Variants in CRTC3 observed in about 807,000 individuals in gnomAD.
CRTC3 encodes the protein CREB-regulated transcription coactivator 3.
CRTC3 carries 26 observed loss-of-function variants against 74.5 expected under a neutral mutation model. The ratio of observed to expected loss-of-function variants is 0.35; its 90% CI spans 0.26 to 0.48. The LOEUF (loss-of-function observed/expected upper bound fraction) is 0.48. Among genes scored for constraint, CRTC3 ranks in the 20% least tolerant of loss-of-function variants. CRTC3 has a pLI of 0.99. For synonymous variants in CRTC3, 377 were observed against 325.8 expected, an observed-to-expected ratio of 1.16 and a Z score of -1.69; for missense variants, 760 against 787.3, an observed-to-expected ratio of 0.97 and a Z score of 0.41.
At chr15:90,632,377 C>T (rs1969070896) in intron 11 of CRTC3, among the ~76,000 whole-genome samples, 2 of 152,036 alleles carry the variant, frequency 1.3e-5, no homozygotes, top group Non-Finnish European at 2.9e-5. Flanking sequence ...TGGAGGATTG[C>T]TTAAGGCCCG....
chr15:90,588,401 A>G (rs1292224263), intron 2 of CRTC3, among the ~76,000 whole-genome samples: 1 of 150,516 alleles, frequency 6.6e-6, no homozygotes, highest in African/African-American at 2.5e-5. Flanking sequence ...CACTCATATT[A>G]CTTGTCCGTG....
At chr15:90,632,857 G>A (rs554525246) in intron 11 of CRTC3, among the ~76,000 whole-genome samples, 5 of 152,298 alleles carry the variant, frequency 3.3e-5, no homozygotes, top group East Asian at 1.9e-4. Context: ...TGCCCGCCTC[G>A]GCGTCCCAAA....
Position 90,645,150 on chromosome 15 carries a change from C to G in CRTC3, c.*3010C>G, listed in dbSNP as rs1043036279. 1 of 229,598 alleles carries G rather than the reference C, an allele frequency of 4.4e-6. No homozygotes were observed. Among genetic ancestry groups the G allele is most frequent in the Non-Finnish European group, 8.6e-6 (1 of 115,662 alleles). The allele number at this position is 229,598 out of a possible 1,614,324, so 14.2% of individuals were successfully genotyped here. On this transcript the variant is annotated 3_prime_UTR_variant, in exon 15 of 15. Coordinates refer to ENST00000268184, the MANE Select transcript of CRTC3 (RefSeq NM_022769.5). ...CTTCTGATTTATGCACAGATGGTTC[C>G]CAGCATGTGTCCAGTGCTTCATGGA...
At chr15:90,597,314 A>G (rs1470272492) in intron 3 of CRTC3, among the ~76,000 whole-genome samples, 1 of 152,208 alleles carries the variant, frequency 6.6e-6, no homozygotes, top group South Asian at 2.1e-4. Flanking sequence ...TATTAACATA[A>G]ATTTATAGCA....
intron 2 of CRTC3, among the ~76,000 whole-genome samples, chr15:90,580,893 C>T (rs1967524485): frequency 2.0e-5 from 3 of 152,042 alleles, no homozygotes; most frequent in Non-Finnish European, 2.9e-5. Flanking sequence ...GACTAAAGTT[C>T]TTACCATGAT....
rs1367085236 is a variant in CRTC3 at position 90,629,679 on chromosome 15, T to C, written c.1266+147T>C. The C allele has an allele frequency of 1.4e-5, 10 of 699,550 alleles. 1 individual carries two copies. The South Asian group carries it at 1.8e-4, about 13-fold the overall frequency. 43.3% of individuals were successfully genotyped at this position (699,550 alleles called of 1,614,324 possible). On this transcript the variant is annotated intron_variant, in intron 11 of 14. Coordinates refer to ENST00000268184, the MANE Select transcript of CRTC3 (RefSeq NM_022769.5). Reference sequence around the variant, plus strand: ...CAAGTGCAGTCTGTTCGCTCTTATATGTGAAATCAGAGCAGAAGTGTCAAT... The same window carrying C: ...CAAGTGCAGTCTGTTCGCTCTTATACGTGAAATCAGAGCAGAAGTGTCAAT...
At chr15:90,604,274 T>C in intron 4 of CRTC3, 111 bp from the exon 5 acceptor site, 1 of 790,310 alleles carries the variant, frequency 1.3e-6, no homozygotes, top group Non-Finnish European at 2.2e-6. Context: ...TAAGTAACTC[T>C]TGCAGAGCGA....
At chr15:90,612,754 G>A (rs143732225) in intron 6 of CRTC3, among the ~76,000 whole-genome samples, 2 of 152,272 alleles carry the variant, frequency 1.3e-5, no homozygotes, top group East Asian at 3.9e-4. Flanking sequence ...TCCTTTTGAC[G>A]TTGCTGGTTG....
intron 5 of CRTC3, 87 bp downstream of exon 5, chr15:90,604,534 G>T (rs1257360013): frequency 6.8e-6 from 7 of 1,033,428 alleles, no homozygotes; most frequent in Non-Finnish European, 1.1e-5. Flanking sequence ...TTGCCAGAGT[G>T]TGTTTATGTA....
chr15:90,626,970 G>A (rs1481609188), intron 10 of CRTC3, among the ~76,000 whole-genome samples: 1 of 152,216 alleles, frequency 6.6e-6, no homozygotes, highest in Non-Finnish European at 1.5e-5. Flanking sequence ...GTGCAGTACA[G>A]CCCCTGGCCG....
At chr15:90,626,120 T>C in intron 10 of CRTC3, 127 bp downstream of exon 10, 1 of 763,204 alleles carries the variant, frequency 1.3e-6, no homozygotes, top group South Asian at 1.5e-5. Flanking sequence ...ATGTACCTTC[T>C]TGTATCTCCT....
intron 2 of CRTC3, among the ~76,000 whole-genome samples, chr15:90,590,552 GT>G (rs1967776177): frequency 6.6e-6 from 1 of 152,150 alleles, no homozygotes; most frequent in African/African-American, 2.4e-5. Flanking sequence ...TAGAGGCAGG[GT>G]TTTGCCATGT....
chr15:90,551,604 G>C (rs1212265232), intron 2 of CRTC3, among the ~76,000 whole-genome samples: 1 of 152,042 alleles, frequency 6.6e-6, no homozygotes, highest in Non-Finnish European at 1.5e-5. Context: ...CTAGGTCCCA[G>C]TTTCAGCACC....
intron 10 of CRTC3, among the ~76,000 whole-genome samples, chr15:90,628,682 C>G (rs149776216): frequency 2.6e-5 from 4 of 152,160 alleles, no homozygotes; most frequent in Admixed American, 2.6e-4. Flanking sequence ...TCCTGGGAAC[C>G]AGAAAATCAA....
chr15:90,631,214 C>T (rs960360078), intron 11 of CRTC3, among the ~76,000 whole-genome samples: 2 of 152,144 alleles, frequency 1.3e-5, no homozygotes, highest in African/African-American at 2.4e-5. Flanking sequence ...GCGTGTTGAT[C>T]GTATGAGTGA....
intron 1 of CRTC3, among the ~76,000 whole-genome samples, chr15:90,533,855 G>T (rs1456057783): frequency 6.6e-6 from 1 of 152,090 alleles, no homozygotes; most frequent in Non-Finnish European, 1.5e-5. Flanking sequence ...CAGGGGGAGT[G>T]GGGGAGGCAT....
chr15:90,549,541 C>T (rs1388419334), intron 2 of CRTC3, among the ~76,000 whole-genome samples: 10 of 151,982 alleles, frequency 6.6e-5, no homozygotes, highest in Non-Finnish European at 1.0e-4. Flanking sequence ...TTTAGGAGGC[C>T]GAGGCGGGCA....
Position 90,625,886 on chromosome 15 carries a change from C to T in CRTC3, c.860C>T (p.Pro287Leu). 2 of 1,614,206 alleles carry T rather than the reference C, an allele frequency of 1.2e-6. No individual in the cohort carries two copies. Among genetic ancestry groups the T allele is most frequent in the African/African-American group, 1.3e-5 (1 of 75,040 alleles). The change falls in exon 10 of 15, where the codon CCA becomes CTA. Residue 287 changes from proline to leucine, a missense_variant. Physicochemically the swap from Pro to Leu is moderately conservative, Grantham distance 98. Coordinates refer to ENST00000268184, the MANE Select transcript of CRTC3 (RefSeq NM_022769.5). The stretch of plus-strand genomic sequence containing the variant: ...AACCTCCACTACTCGACACCCCTGC[C>T]AGCCTCCCTGGACACCACCGACCAC... ...LTNLHYSTPL[P>L]ASLDTTDHHF...
chr15:90,551,809 A>G (rs566895921), intron 2 of CRTC3, among the ~76,000 whole-genome samples: 1 of 152,386 alleles, frequency 6.6e-6, no homozygotes, highest in East Asian at 1.9e-4. Context: ...AAGCATTTCA[A>G]AAAAGGATGC....
Sources: allele counts gnomAD v4.1 joint callset (sites outside exome capture counted in the v4.1 genomes callset), GRCh38; gene constraint gnomAD v4.1.1; transcripts MANE v1.5; gene names NCBI Gene and HGNC (gene_info 2026-07-23, HGNC 2026-07-21).